The following ANKRD42 variants were observed in gnomAD, a reference collection of about 807,000 sequenced individuals.
ANKRD42 encodes ankyrin repeat domain 42.
In ANKRD42, 43 loss-of-function variants were observed where a neutral mutation model predicts 51.5. The ratio of observed to expected loss-of-function variants is 0.83; its 90% CI spans 0.65 to 1.08. The LOEUF is 1.08. Among genes scored for constraint, ANKRD42 ranks in the 50% least tolerant of loss-of-function variants. ANKRD42 has a pLI of 0.00. For missense variants in ANKRD42, 608 were observed against 629.3 expected (o/e 0.97, Z 0.36); for synonymous variants, 203 against 213.0 (o/e 0.95, Z 0.41).
At chr11:83,216,604 G>A (rs777084415) in intron 5 of ANKRD42, among the ~76,000 whole-genome samples, 99 of 152,190 alleles carry the variant, frequency 6.5e-4, no homozygotes, top group Non-Finnish European at 1.4e-3. Flanking sequence ...GATTACAGGC[G>A]TGAGCCACCG....
chr11:83,209,852 C>G, intron 3 of ANKRD42: 1 of 510,860 alleles, frequency 2.0e-6, no homozygotes, highest in South Asian at 2.1e-5. Flanking sequence ...GGACCCACAG[C>G]CTCAGCTGAA....
At position 83,223,187 on chromosome 11, in the gene ANKRD42, T is replaced by A. The variant is rs1171037784; in HGVS notation, c.587-1668T>A. ...ATCGCTTGAACCCAGGAGGTGGAGGTTTCAGTGAGCCAAGATTGCGCCACT... is the reference window on the plus strand; with the variant it reads ...ATCGCTTGAACCCAGGAGGTGGAGGATTCAGTGAGCCAAGATTGCGCCACT... On this transcript the variant is annotated intron_variant, in intron 5 of 10. Coordinates refer to ENST00000533342, the MANE Select transcript of ANKRD42 (RefSeq NM_001300975.2). Among the ~76,000 whole-genome samples, 4 of 151,766 alleles carry A rather than the reference T, an allele frequency of 2.6e-5. No individual in the cohort carries two copies. The East Asian group carries it at 7.8e-4, about 29-fold the overall frequency.
At chr11:83,206,257 T>C in intron 3 of ANKRD42, 92 bp downstream of exon 3, 1 of 1,078,328 alleles carries the variant, frequency 9.3e-7, no homozygotes, top group Non-Finnish European at 1.3e-6. Flanking sequence ...CTCAATAGAT[T>C]TAGTTTTATG....
At chr11:83,220,396 A>C (rs1028719805) in intron 5 of ANKRD42, among the ~76,000 whole-genome samples, 2 of 152,072 alleles carry the variant, frequency 1.3e-5, no homozygotes, top group African/African-American at 4.8e-5. Flanking sequence ...AAGAGGTCCG[A>C]TTGTATTCAC....
intron 10 of ANKRD42, among the ~76,000 whole-genome samples, chr11:83,245,991 A>G (rs1210464005): frequency 6.6e-6 from 1 of 152,186 alleles, no homozygotes; most frequent in Non-Finnish European, 1.5e-5. Flanking sequence ...TCTTGTGTTC[A>G]CTGATTATAG....
intron 5 of ANKRD42, among the ~76,000 whole-genome samples, chr11:83,220,058 T>C (rs1250952700): frequency 6.6e-6 from 1 of 152,200 alleles, no homozygotes; most frequent in East Asian, 1.9e-4. Flanking sequence ...AGTCAGAAGA[T>C]GTGGCTGTCT....
At chr11:83,235,075 G>C (rs1443557482) in intron 7 of ANKRD42, among the ~76,000 whole-genome samples, 1 of 152,204 alleles carries the variant, frequency 6.6e-6, no homozygotes, top group Non-Finnish European at 1.5e-5. Flanking sequence ...TACATATTCA[G>C]CACCAACCAT....
chr11:83,262,663 CT>C (rs1378752658), downstream of ANKRD42, among the ~76,000 whole-genome samples: 1 of 152,080 alleles, frequency 6.6e-6, no homozygotes, highest in Non-Finnish European at 1.5e-5. Flanking sequence ...GAATGGAAAA[CT>C]TTTATGAATA....
chr11:83,208,632 A>G (rs1034362440), intron 3 of ANKRD42, among the ~76,000 whole-genome samples: 2 of 152,184 alleles, frequency 1.3e-5, no homozygotes, highest in African/African-American at 2.4e-5. Context: ...TGCAAAGCAA[A>G]CATTGACAGA....
At chr11:83,214,620 T>C (rs1862457966) in intron 5 of ANKRD42, 3 of 901,618 alleles carry the variant, frequency 3.3e-6, no homozygotes, top group Non-Finnish European at 4.0e-6. Flanking sequence ...ATTTTTGGTG[T>C]ACATGTGATA....
chr11:83,243,731 G>A (rs565303111), intron 9 of ANKRD42, among the ~76,000 whole-genome samples: 5 of 151,976 alleles, frequency 3.3e-5, no homozygotes, highest in Middle Eastern at 3.4e-3. Flanking sequence ...GCGCAATCTC[G>A]GCTCACTGCA....
At chr11:83,218,563 T>C (rs1379047282) in intron 5 of ANKRD42, among the ~76,000 whole-genome samples, 2 of 152,214 alleles carry the variant, frequency 1.3e-5, no homozygotes, top group African/African-American at 4.8e-5. Flanking sequence ...TGCCTTTATT[T>C]GTTTTAAATC....
intron 3 of ANKRD42, among the ~76,000 whole-genome samples, chr11:83,207,049 C>A (rs1862103892): frequency 6.6e-6 from 1 of 152,168 alleles, no homozygotes; most frequent in Non-Finnish European, 1.5e-5. Context: ...TTCCACATGG[C>A]TGGGAAGGCC....
At chr11:83,201,991 G>A (rs1480490032) in intron 2 of ANKRD42, among the ~76,000 whole-genome samples, 1 of 152,136 alleles carries the variant, frequency 6.6e-6, no homozygotes, top group Non-Finnish European at 1.5e-5. Flanking sequence ...AAGCTCTTTA[G>A]TTTAATTAAA....
At chr11:83,224,815 A>G (rs1418443351) in intron 5 of ANKRD42, 40 bp from the exon 6 acceptor site, 1 of 1,470,748 alleles carries the variant, frequency 6.8e-7, no homozygotes, top group Non-Finnish European at 9.1e-7. Context: ...AAAAATTTTA[A>G]AAAATAAAAA....
chr11:83,196,008 G>C (rs895770062), intron 1 of ANKRD42, among the ~76,000 whole-genome samples: 3 of 152,038 alleles, frequency 2.0e-5, no homozygotes, highest in African/African-American at 7.3e-5. Flanking sequence ...ACCACACCCG[G>C]CTAATTTTTT....
intron 9 of ANKRD42, among the ~76,000 whole-genome samples, 175 bp downstream of exon 9, chr11:83,241,109 A>C (rs1208635810): frequency 6.6e-6 from 1 of 152,228 alleles, no homozygotes; most frequent in African/African-American, 2.4e-5. Context: ...TGAACATATA[A>C]AAAGTATAAG....
intron 7 of ANKRD42, among the ~76,000 whole-genome samples, chr11:83,228,694 A>G (rs542639954): frequency 5.9e-5 from 9 of 152,276 alleles, no homozygotes; most frequent in Admixed American, 3.3e-4. Context: ...TTAATCCATA[A>G]TGTATCTCAA....
rs1863606868 is a variant in ANKRD42 at position 83,248,338 on chromosome 11, CTA to C, written c.*138_*139del. ...ACACACACACACACACACACACACT[CTA>C]TATGTAACTATAACTTTCTAGATAC... On this transcript the variant is annotated 3_prime_UTR_variant, in exon 11 of 11. Transcript: ENST00000533342. 7.3e-6 allele frequency: 10 copies of C among 1,365,528 alleles called. No individual in the cohort carries two copies. Among genetic ancestry groups the C allele is most frequent in the African/African-American group, 1.5e-5 (1 of 67,116 alleles). The allele number at this position is 1,365,528 out of a possible 1,614,324, so 84.6% of individuals were successfully genotyped here. A position where few individuals can be genotyped will look rare whatever the true frequency, so the allele number is the denominator to read the frequency against.
Sources: gnomAD v4.1 joint callset for allele counts (sites outside exome capture counted in the v4.1 genomes callset) on GRCh38, gnomAD v4.1.1 for gene constraint, MANE v1.5 for transcripts, NCBI Gene and HGNC (gene_info 2026-07-23, HGNC 2026-07-21) for gene names.